The following LDLRAD4 variants were observed in gnomAD, a reference collection of about 807,000 sequenced individuals.
LDLRAD4 encodes the protein low density lipoprotein receptor class A domain containing 4.
A neutral mutation model predicts 17.0 loss-of-function variants in LDLRAD4; 5 were observed. That is an observed-to-expected ratio of 0.29 (90% CI 0.15 to 0.62). LDLRAD4 has a LOEUF of 0.62. Among genes scored for constraint, LDLRAD4 ranks in the 20% least tolerant of loss-of-function variants. The pLI is 0.84. For synonymous variants in LDLRAD4, 168 were observed against 171.8 expected (o/e 0.98, Z 0.17); for missense variants, 340 against 424.7 (o/e 0.80, Z 1.75).
chr18:13,301,591 T>C (rs969135260), intron 1 of LDLRAD4, among the ~76,000 whole-genome samples: 1 of 152,206 alleles, frequency 6.6e-6, no homozygotes, highest in Non-Finnish European at 1.5e-5. Flanking sequence ...AAGCTCACCT[T>C]GTCCCCAGGA....
intron 3 of LDLRAD4, chr18:13,611,028 T>C (rs910118054): frequency 3.2e-5 from 5 of 154,258 alleles, no homozygotes; most frequent in African/African-American, 1.2e-4. Flanking sequence ...GAAACTCTTC[T>C]GGGTGGTTCT....
intron 3 of LDLRAD4, among the ~76,000 whole-genome samples, chr18:13,540,177 A>G (rs1331874457): frequency 6.6e-6 from 1 of 152,232 alleles, no homozygotes; most frequent in African/African-American, 2.4e-5. Context: ...TTCCCAATTT[A>G]TCTGTGTTTG....
chr18:13,453,127 G>A (rs903836333), intron 3 of LDLRAD4, among the ~76,000 whole-genome samples: 8 of 152,196 alleles, frequency 5.3e-5, no homozygotes, highest in African/African-American at 1.9e-4. Context: ...GACAGTCATC[G>A]TTTTAAAAGA....
At chr18:13,501,074 A>T (rs1385492737) in intron 3 of LDLRAD4, 3 of 149,880 alleles carry the variant, frequency 2.0e-5, no homozygotes, top group African/African-American at 7.3e-5. Flanking sequence ...GCTGAGGATG[A>T]TGGAAGGGAT....
At chr18:13,373,241 G>T (rs535956794) in intron 1 of LDLRAD4, among the ~76,000 whole-genome samples, 1 of 151,998 alleles carries the variant, frequency 6.6e-6, no homozygotes, top group South Asian at 2.1e-4. Context: ...CAGTTGTAGC[G>T]CTCTGGCTTT....
chr18:13,223,275 C>T (rs925911340), intron 1 of LDLRAD4, among the ~76,000 whole-genome samples: 24 of 152,186 alleles, frequency 1.6e-4, no homozygotes, highest in Non-Finnish European at 2.6e-4. Context: ...CCTAAAAGGA[C>T]CTAGAGAGTC....
At chr18:13,567,297 C>G (rs576447883) in intron 3 of LDLRAD4, among the ~76,000 whole-genome samples, 1 of 152,226 alleles carries the variant, frequency 6.6e-6, no homozygotes, top group African/African-American at 2.4e-5. Context: ...CCTAATCTAA[C>G]AGTGTCTGGA....
At chr18:13,406,253 G>A (rs145460593) in intron 2 of LDLRAD4, among the ~76,000 whole-genome samples, 21 of 152,284 alleles carry the variant, frequency 1.4e-4, no homozygotes, top group African/African-American at 4.6e-4. Flanking sequence ...TGACCTTGGT[G>A]CCTTCTAGCT....
chr18:13,343,904 C>A (rs1599553238), intron 1 of LDLRAD4, among the ~76,000 whole-genome samples: 2 of 152,172 alleles, frequency 1.3e-5, no homozygotes, highest in East Asian at 3.9e-4. Context: ...CTGTTCATAT[C>A]CTTCACCCAC....
Position 13,494,636 on chromosome 18 carries a change from AC to A in LDLRAD4, c.181+56254del, listed in dbSNP as rs981604135. 1.6e-5 allele frequency among the ~76,000 whole-genome samples: 2 copies of A among 128,092 alleles called. 1 individual carries two copies. The highest frequency in any genetic ancestry group is 3.4e-5 in the Non-Finnish European group (2 of 59,194). The allele number at this position is 128,092 out of a possible 152,430, so 84.0% of individuals were successfully genotyped here. A position where few individuals can be genotyped will look rare whatever the true frequency, so the allele number is the denominator to read the frequency against. On this transcript the variant is annotated intron_variant, in intron 3 of 5. Coordinates refer to ENST00000359446, the Ensembl canonical transcript of LDLRAD4. ...TAAGGCTGCAGTGAGAAATGATTGC[AC>A]CACTGCACTCCAGCCTGGAGACAGA...
intron 3 of LDLRAD4, among the ~76,000 whole-genome samples, chr18:13,524,120 A>ACC (rs1156348293): frequency 6.6e-6 from 1 of 152,096 alleles, no homozygotes; most frequent in Non-Finnish European, 1.5e-5. Flanking sequence ...CCAGGTCGGG[A>ACC]CCCCCGACTT....
chr18:13,295,384 T>C (rs1262774296), intron 1 of LDLRAD4, among the ~76,000 whole-genome samples: 2 of 152,190 alleles, frequency 1.3e-5, no homozygotes, highest in African/African-American at 4.8e-5. Flanking sequence ...TGTGGGGTCA[T>C]ACTGTGCCCG....
chr18:13,333,393 C>A (rs2081962046), intron 1 of LDLRAD4, among the ~76,000 whole-genome samples: 1 of 152,154 alleles, frequency 6.6e-6, no homozygotes, highest in East Asian at 1.9e-4. Context: ...CATTGTCTTT[C>A]ACATAGCAGA....
intron 3 of LDLRAD4, among the ~76,000 whole-genome samples, chr18:13,576,437 A>AAAAAAG (rs1555750703): frequency 8.8e-4 from 74 of 83,660 alleles, no homozygotes; most frequent in African/African-American, 2.1e-3. Context: ...AAAAAAAAAA[A>AAAAAAG]AAAGAAAGAA....
At chr18:13,646,461 A>G (rs2149018445) in exon 6 of LDLRAD4, 1 of 152,428 alleles carries the variant, frequency 6.6e-6, no homozygotes, top group Non-Finnish European at 1.5e-5. Context: ...ATAGCAGTGC[A>G]TCGCTGAAGC....
At chr18:13,273,701 CCAAA>C (rs955786091), upstream of LDLRAD4, among the ~76,000 whole-genome samples, 21 of 152,242 alleles carry the variant, frequency 1.4e-4, no homozygotes, top group Non-Finnish European at 1.9e-4. Context: ...CAACTTTTGC[CCAAA>C]CAAATTTCCC....
rs2040612776 is a variant in LDLRAD4 at position 13,621,362 on chromosome 18, T to C, written c.336+91T>C. 2.8e-5 allele frequency: 28 copies of C among 1,005,230 alleles called. No homozygotes were observed. The South Asian group carries it at 3.5e-4, about 13-fold the overall frequency. The allele number at this position is 1,005,230 out of a possible 1,614,324, so 62.3% of individuals were successfully genotyped here. On this transcript the variant is annotated intron_variant, in intron 4 of 5. Coordinates refer to ENST00000359446, the Ensembl canonical transcript of LDLRAD4. This position sits in a 1 kb window ranked among gnomAD's most constrained non-coding sequence, Gnocchi z 5.5. ...GTTCAGAGGCCGGGAGTGCTTTCAG[T>C]TGACATGTAACAAACGGGGCGAAGC...
At chr18:13,282,135 A>G (rs1345521922) in intron 1 of LDLRAD4, among the ~76,000 whole-genome samples, 1 of 152,112 alleles carries the variant, frequency 6.6e-6, no homozygotes, top group Non-Finnish European at 1.5e-5. Context: ...TGATTCAACT[A>G]CCTTCCCCTG....
intron 4 of LDLRAD4, among the ~76,000 whole-genome samples, chr18:13,635,678 G>A (rs138440946): frequency 6.6e-6 from 1 of 152,338 alleles, no homozygotes; most frequent in East Asian, 1.9e-4. Context: ...GTGTAAAGGA[G>A]TCTGAAAATG....
Sources: allele counts gnomAD v4.1 joint callset (sites outside exome capture counted in the v4.1 genomes callset), GRCh38; gene constraint gnomAD v4.1.1; non-coding constraint Gnocchi (gnomAD v3.1); transcripts MANE v1.5; gene names NCBI Gene and HGNC (gene_info 2026-07-23, HGNC 2026-07-21).